The following EXOC4 variants were observed in gnomAD, a reference collection of about 807,000 sequenced individuals.
EXOC4 encodes SEC8-like 1.
In EXOC4, 71 loss-of-function variants were observed where a neutral mutation model predicts 107.2. The ratio of observed to expected loss-of-function variants is 0.66; its 90% CI spans 0.55 to 0.81. The LOEUF (loss-of-function observed/expected upper bound fraction) is 0.81. Ranked by LOEUF, EXOC4 falls within the 30% of genes least tolerant of loss-of-function variation. The probability of loss-of-function intolerance (pLI) is 0.00; values close to 1 mark genes in which losing one functional copy is unlikely to be tolerated. For missense variants in EXOC4, 1,108 were observed against 1,189.6 expected (o/e 0.93, Z 1.01); for synonymous variants, 456 against 441.2 (o/e 1.03, Z -0.42).
At position 133,474,827 on chromosome 7, in the gene EXOC4, T is replaced by C. The variant is rs1238692550; in HGVS notation, c.1183-501T>C. Reference sequence around the variant, plus strand: ...AGTACACTAGGGATCACTTTACAGGTCTTGAACCTCTGTAAGCCCCATTTC... The same window carrying C: ...AGTACACTAGGGATCACTTTACAGGCCTTGAACCTCTGTAAGCCCCATTTC... On this transcript the variant is annotated intron_variant, in intron 7 of 17. Coordinates refer to ENST00000253861, the MANE Select transcript of EXOC4 (RefSeq NM_021807.4). Among the ~76,000 whole-genome samples the C allele has an allele frequency of 2.0e-5, 3 of 152,102 alleles. No individual in the cohort carries two copies. The East Asian group carries it at 5.8e-4, about 29-fold the overall frequency.
At chr7:133,784,337 C>T (rs953272232) in intron 10 of EXOC4, among the ~76,000 whole-genome samples, 4 of 152,136 alleles carry the variant, frequency 2.6e-5, no homozygotes, top group African/African-American at 9.7e-5. Flanking sequence ...AGAAAATACA[C>T]CTTAATAATT....
At chr7:133,526,290 C>G (rs1251523706) in intron 9 of EXOC4, among the ~76,000 whole-genome samples, 1 of 152,094 alleles carries the variant, frequency 6.6e-6, no homozygotes, top group East Asian at 1.9e-4. Flanking sequence ...CTAATATGCT[C>G]AAATGTTAAT....
chr7:133,808,640 A>G (rs1397508644), intron 10 of EXOC4, among the ~76,000 whole-genome samples: 1 of 152,116 alleles, frequency 6.6e-6, no homozygotes, highest in South Asian at 2.1e-4. Context: ...AGCCTTTTGC[A>G]TGGCCTCACT....
intron 15 of EXOC4, among the ~76,000 whole-genome samples, chr7:134,003,767 G>A (rs1585314551): frequency 6.6e-6 from 1 of 151,774 alleles, no homozygotes; most frequent in East Asian, 1.9e-4. Context: ...CTGCTACGGT[G>A]GGGGATTCAA....
intron 9 of EXOC4, among the ~76,000 whole-genome samples, chr7:133,535,312 T>C (rs758625908): frequency 5.9e-5 from 9 of 152,208 alleles, no homozygotes; most frequent in Non-Finnish European, 1.3e-4. Flanking sequence ...AATGCAGGCC[T>C]TCTGACTTCA....
chr7:133,632,236 C>T (rs1480149341), intron 10 of EXOC4, among the ~76,000 whole-genome samples: 1 of 152,124 alleles, frequency 6.6e-6, no homozygotes, highest in Non-Finnish European at 1.5e-5. Flanking sequence ...CTTGGTAATA[C>T]TCCCAGTGGT....
intron 9 of EXOC4, among the ~76,000 whole-genome samples, chr7:133,574,675 C>T (rs1801091550): frequency 6.6e-6 from 1 of 152,176 alleles, no homozygotes; most frequent in South Asian, 2.1e-4. Context: ...ATGACCATTG[C>T]TTCTCAGAAA....
rs571242989 is a variant in EXOC4, at chr7:133,870,785, A to G, written c.1735-24814A>G. The stretch of plus-strand genomic sequence containing the variant: ...GACTTGCCTTCTCAAACTCTTTCAC[A>G]CTTGACCTCTTTCGCCATTCTTCAA... On this transcript the variant is annotated intron_variant, in intron 11 of 17. Coordinates refer to ENST00000253861, the MANE Select transcript of EXOC4 (RefSeq NM_021807.4). 3.9e-5 allele frequency among the ~76,000 whole-genome samples: 6 copies of G among 152,104 alleles called. 1 individual carries two copies. In the South Asian group the frequency reaches 1.2e-3, roughly 32 times the overall value.
rs539517140 is a variant in EXOC4, at chr7:133,654,939, A to G, written c.1514+24798A>G. Among the ~76,000 whole-genome samples, 206 of 152,262 alleles carry G rather than the reference A, an allele frequency of 1.4e-3. 1 individual carries two copies. The highest frequency in any genetic ancestry group is 4.7e-3 in the African/African-American group (196 of 41,552). The stretch of plus-strand genomic sequence containing the variant: ...ATAGAAAAGGCAGAGCAAAAATACC[A>G]TACAAAATGTAAAAAATAATGCAGC... On this transcript the variant is annotated intron_variant, in intron 10 of 17. Coordinates refer to ENST00000253861, the MANE Select transcript of EXOC4 (RefSeq NM_021807.4).
downstream of EXOC4, among the ~76,000 whole-genome samples, chr7:134,067,730 T>C (rs1002026886): frequency 6.6e-6 from 1 of 152,050 alleles, no homozygotes; most frequent in Non-Finnish European, 1.5e-5. Flanking sequence ...TTTTGGTTAC[T>C]TTTAGCTATA....
intron 11 of EXOC4, among the ~76,000 whole-genome samples, chr7:133,862,031 A>G (rs1197352934): frequency 6.6e-6 from 1 of 152,150 alleles, no homozygotes; most frequent in East Asian, 1.9e-4. Context: ...TGATGATTAC[A>G]CATAAAAGTC....
At chr7:133,655,119 A>T (rs943877455) in intron 10 of EXOC4, among the ~76,000 whole-genome samples, 3 of 152,182 alleles carry the variant, frequency 2.0e-5, no homozygotes, top group African/African-American at 7.2e-5. Flanking sequence ...AAATTTATTT[A>T]AAAATATTTT....
chr7:134,085,921 C>T, the EXOC4 span, among the ~76,000 whole-genome samples: 1 of 152,302 alleles, frequency 6.6e-6, no homozygotes, highest in Non-Finnish European at 1.5e-5. Flanking sequence ...ATACACATGG[C>T]AGAGCTGTGT....
At chr7:133,446,129 C>T (rs956870849) in intron 7 of EXOC4, among the ~76,000 whole-genome samples, 24 of 151,784 alleles carry the variant, frequency 1.6e-4, no homozygotes, top group African/African-American at 5.6e-4. Context: ...TTTCTTGTGA[C>T]TGTTTCTCTT....
chr7:133,829,695 C>G (rs1797770336), intron 11 of EXOC4, among the ~76,000 whole-genome samples: 1 of 152,198 alleles, frequency 6.6e-6, no homozygotes, highest in South Asian at 2.1e-4. Context: ...TGGGGTTCAT[C>G]CTCACCTCTG....
At chr7:133,818,046 T>C (rs1242719188) in intron 11 of EXOC4, among the ~76,000 whole-genome samples, 1 of 152,192 alleles carries the variant, frequency 6.6e-6, no homozygotes, top group African/African-American at 2.4e-5. Flanking sequence ...CATGATGATC[T>C]TGTTAGTACT....
At chr7:133,334,934 T>A (rs976923416) in intron 5 of EXOC4, among the ~76,000 whole-genome samples, 1 of 152,252 alleles carries the variant, frequency 6.6e-6, no homozygotes, top group Admixed American at 6.5e-5. Context: ...AGTATTCATG[T>A]TGTATATGTA....
At chr7:133,756,915 G>A (rs1795929688) in intron 10 of EXOC4, among the ~76,000 whole-genome samples, 1 of 152,268 alleles carries the variant, frequency 6.6e-6, no homozygotes, top group African/African-American at 2.4e-5. Flanking sequence ...GTCAAAGATG[G>A]TGACTCTGGA....
intron 17 of EXOC4, among the ~76,000 whole-genome samples, chr7:134,034,270 A>G (rs1383304991): frequency 6.6e-6 from 1 of 152,224 alleles, no homozygotes; most frequent in Non-Finnish European, 1.5e-5. Context: ...CAAGTAGTAC[A>G]AGAGAAAGGA....
Sources: allele counts gnomAD v4.1 joint callset (sites outside exome capture counted in the v4.1 genomes callset), GRCh38; gene constraint gnomAD v4.1.1; transcripts MANE v1.5; gene names NCBI Gene and HGNC (gene_info 2026-07-23, HGNC 2026-07-21).